ACOX3: variants seen among roughly 807,000 people sequenced by gnomAD.
The protein encoded by ACOX3 is peroxisomal acyl-coenzyme A oxidase 3.
A neutral mutation model predicts 81.5 loss-of-function variants in ACOX3; 73 were observed. That is an observed-to-expected ratio of 0.90 (90% confidence interval 0.74 to 1.09). The LOEUF (loss-of-function observed/expected upper bound fraction) is 1.09, where lower values mean the gene tolerates loss of function less well. Among genes scored for constraint, ACOX3 ranks in the 50% least tolerant of loss-of-function variants. The pLI is 0.00. For synonymous variants in ACOX3, 387 were observed against 375.1 expected (o/e 1.03, Z -0.37); for missense variants, 947 against 928.0 (o/e 1.02, Z -0.27).
In ACOX3 at chr4:8,440,664, T is replaced by G; in HGVS notation, c.-31A>C. On this transcript the variant is annotated 5_prime_UTR_variant, in exon 1 of 18. Coordinates refer to ENST00000356406, the MANE Select transcript of ACOX3 (RefSeq NM_003501.3). ...ATTCCTCACCCACACACTCCACAGT[T>G]CAACCCCTGCCAGGGAAACCAAAAG... 1.1e-6 allele frequency: 1 copy of G among 917,584 alleles called. No individual in the cohort carries two copies. Among genetic ancestry groups the G allele is most frequent in the Non-Finnish European group, 1.5e-6 (1 of 651,038 alleles). 56.8% of individuals were successfully genotyped at this position (917,584 alleles called of 1,614,324 possible).
rs532985224 is a variant in ACOX3 at position 8,374,994 on chromosome 4, C to T, written c.1812G>A (p.Ala604=). 4.6e-6 allele frequency: 7 copies of T among 1,530,908 alleles called. No individual in the cohort carries two copies. The highest frequency in any genetic ancestry group is 2.4e-5 in the East Asian group (1 of 41,316). 94.8% of individuals were successfully genotyped at this position (1,530,908 alleles called of 1,614,324 possible). ...AAGCCTCACCTCGGTAGAGCAGGGCCGCGTGGCGGCTCAGGGACCACAGGG... is the reference window on the plus strand; with the variant it reads ...AAGCCTCACCTCGGTAGAGCAGGGCTGCGTGGCGGCTCAGGGACCACAGGG... ...LYALWSLSRH[A]ALLYRGGYFS... Residue 604 remains alanine (A), a synonymous_variant, in exon 15 of 18, where the codon GCG becomes GCA. Transcript: ENST00000356406.
Position 8,401,766 on chromosome 4 carries a change from A to G in ACOX3, c.777-2114T>C, listed in dbSNP as rs549087778. Among the ~76,000 whole-genome samples the G allele has an allele frequency of 3.9e-3, 595 of 152,148 alleles. 4 individuals carry two copies. Among genetic ancestry groups the G allele is most frequent in the African/African-American group, 0.014 (579 of 41,492 alleles). Reference sequence around the variant, plus strand: ...CCTCTAACAGCATCACCGCCTTGCCATGAGGTGGTCCTGCCTGCCTGTGGT... The same window carrying G: ...CCTCTAACAGCATCACCGCCTTGCCGTGAGGTGGTCCTGCCTGCCTGTGGT... On this transcript the variant is annotated intron_variant, in intron 7 of 17. Transcript: ENST00000356406.
chr4:8,392,816 T>C (rs1274959421), intron 10 of ACOX3, among the ~76,000 whole-genome samples: 5 of 152,152 alleles, frequency 3.3e-5, no homozygotes, highest in South Asian at 2.1e-4. Flanking sequence ...AGGTTGCAAT[T>C]GTTTGCAGCG....
In ACOX3 at chr4:8,370,697, G is replaced by A. The variant is rs1040864992; in HGVS notation, c.1983+211C>T. Among the ~76,000 whole-genome samples, 1 of 152,108 alleles carries A rather than the reference G, an allele frequency of 6.6e-6. No homozygotes were observed. Among genetic ancestry groups the A allele is most frequent in the African/African-American group, 2.4e-5 (1 of 41,424 alleles). On this transcript the variant is annotated intron_variant, in intron 17 of 17. Transcript: ENST00000356406. This position sits in a 1 kb window ranked among gnomAD's most constrained non-coding sequence, Gnocchi z 6.3. ...TCTCGGGAGGAAAAGGCAGGCAGGG[G>A]ATGGGCAAGTCCCCTGCAACCACAG...
In ACOX3 at chr4:8,381,299, C is replaced by T. The variant is rs181409817; in HGVS notation, c.1653+193G>A. On this transcript the variant is annotated intron_variant, in intron 14 of 17. Transcript: ENST00000356406. This position sits in a 1 kb window ranked among gnomAD's most constrained non-coding sequence, Gnocchi z 4.3. Reference sequence around the variant, plus strand: ...AACATCCATGACCTCCCCAGCCCAGCAAGACAGGTGCTGCCATCCCTGTGT... The same window carrying T: ...AACATCCATGACCTCCCCAGCCCAGTAAGACAGGTGCTGCCATCCCTGTGT... 1.1e-3 allele frequency among the ~76,000 whole-genome samples: 169 copies of T among 152,310 alleles called. No individual in the cohort carries two copies. Among genetic ancestry groups the T allele is most frequent in the African/African-American group, 3.9e-3 (164 of 41,558 alleles).
chr4:8,367,208 A>C, intron 17 of ACOX3, 128 bp from the exon 18 acceptor site: 1 of 1,274,996 alleles, frequency 7.8e-7, no homozygotes, highest in Non-Finnish European at 1.1e-6. Context: ...GGCTGGGCAC[A>C]GTGGCTCACG....
At chr4:8,378,244 T>C (rs1054724914) in intron 14 of ACOX3, among the ~76,000 whole-genome samples, 5 of 152,130 alleles carry the variant, frequency 3.3e-5, no homozygotes, top group Non-Finnish European at 7.4e-5. Context: ...GGGGAAAGGG[T>C]TGGACTCTGT....
intron 1 of ACOX3, among the ~76,000 whole-genome samples, chr4:8,436,932 C>T (rs1238739845): frequency 2.1e-5 from 3 of 141,950 alleles, no homozygotes; most frequent in Non-Finnish European, 3.0e-5. Flanking sequence ...GTGGAGTTTG[C>T]AGTGAGCCGA....
At position 8,415,860 on chromosome 4, in the gene ACOX3, T is replaced by G. The variant is rs780711535; in HGVS notation, c.284A>C (p.Asp95Ala). The change falls in exon 3 of 18, where the codon GAC becomes GCC. Residue 95 changes from aspartate to alanine, a missense_variant. Asp to Ala is a moderately radical substitution (Grantham distance 126). Coordinates refer to ENST00000356406, the MANE Select transcript of ACOX3 (RefSeq NM_003501.3). ...IFEYDFLSVEDMFKSPLKVPA... is the reference protein window; with the variant it reads ...IFEYDFLSVEAMFKSPLKVPA... ...GACCTTCAGAGGGCTCTTGAACATG[T>G]CTTCGACACTGAGGAAGTCATACTC... The G allele has an allele frequency of 6.2e-7, 1 of 1,614,148 alleles. No individual in the cohort carries two copies. The highest frequency in any genetic ancestry group is 8.5e-7 in the Non-Finnish European group (1 of 1,180,014).
chr4:8,439,556 A>G (rs1052543508), intron 1 of ACOX3, among the ~76,000 whole-genome samples: 5 of 152,260 alleles, frequency 3.3e-5, no homozygotes, highest in African/African-American at 7.2e-5. Context: ...AAAAACTCCT[A>G]TTATTAAGAA....
Position 8,405,603 on chromosome 4 carries a change from C to T in ACOX3, c.776+352G>A, listed in dbSNP as rs575813755. Among the ~76,000 whole-genome samples, 24 of 152,314 alleles carry T rather than the reference C, an allele frequency of 1.6e-4. 1 individual carries two copies. The highest frequency in any genetic ancestry group is 4.3e-4 in the African/African-American group (18 of 41,564). ...GATCAGCATGGATGTGTGCAGAGGC[C>T]GAGCCGGGGGAGGCTCAGGATGCTG... On this transcript the variant is annotated intron_variant, in intron 7 of 17. Coordinates refer to ENST00000356406, the MANE Select transcript of ACOX3 (RefSeq NM_003501.3). This position sits in a 1 kb window ranked among gnomAD's most constrained non-coding sequence, Gnocchi z 7.1.
At chr4:8,390,196 G>C (rs1191693996) in intron 11 of ACOX3, among the ~76,000 whole-genome samples, 3 of 150,020 alleles carry the variant, frequency 2.0e-5, no homozygotes, top group Admixed American at 2.0e-4. Flanking sequence ...AAAAAAATTA[G>C]CTGGGCATAG....
At chr4:8,439,739 A>C (rs192052422) in intron 1 of ACOX3, among the ~76,000 whole-genome samples, 1 of 152,362 alleles carries the variant, frequency 6.6e-6, no homozygotes, top group African/African-American at 2.4e-5. Context: ...CCCTCACTGC[A>C]AGTGTATTAC....
At chr4:8,422,307 A>T (rs2109010554) in intron 1 of ACOX3, among the ~76,000 whole-genome samples, 1 of 152,348 alleles carries the variant, frequency 6.6e-6, no homozygotes, top group South Asian at 2.1e-4. Flanking sequence ...TTTAAAAGCC[A>T]GGGTAAATTT....
chr4:8,403,166 C>T (rs1252204894), intron 7 of ACOX3, among the ~76,000 whole-genome samples: 1 of 152,228 alleles, frequency 6.6e-6, no homozygotes, highest in Non-Finnish European at 1.5e-5. Context: ...ATCCCACATA[C>T]TCAGGAGTTC....
intron 1 of ACOX3, among the ~76,000 whole-genome samples, chr4:8,425,505 A>T (rs1723385923): frequency 6.6e-6 from 1 of 151,588 alleles, no homozygotes. Context: ...CGGCCAAATC[A>T]TTATTAACTG....
chr4:8,379,966 A>G (rs34732357), intron 14 of ACOX3, among the ~76,000 whole-genome samples: 30,597 of 151,462 alleles, frequency 0.2, 3,901 homozygotes, highest in African/African-American at 0.37. Context: ...ACCTTAACGC[A>G]AGGATGTGGC....
At chr4:8,398,295 G>A (rs1309032917) in intron 8 of ACOX3, among the ~76,000 whole-genome samples, 5 of 152,146 alleles carry the variant, frequency 3.3e-5, no homozygotes, top group Non-Finnish European at 5.9e-5. Flanking sequence ...TTCCACTGGA[G>A]TCAGATCTGG....
chr4:8,410,363 A>G lies in ACOX3; in HGVS notation c.544-8T>C. On this transcript the variant is annotated splice_polypyrimidine_tract_variant and splice_region_variant and intron_variant, in intron 5 of 17. Coordinates refer to ENST00000356406, the MANE Select transcript of ACOX3 (RefSeq NM_003501.3). ...GGAATGTATGATGAATTCCTGCACA[A>G]GGGAAAATTTAGGTTAGTTATAATT... 6.2e-7 allele frequency: 1 copy of G among 1,613,304 alleles called. No homozygotes were observed. Among genetic ancestry groups the G allele is most frequent in the Non-Finnish European group, 8.5e-7 (1 of 1,179,252 alleles).
Sources: gnomAD v4.1 joint callset for allele counts (sites outside exome capture counted in the v4.1 genomes callset) on GRCh38, gnomAD v4.1.1 for gene constraint, Gnocchi (gnomAD v3.1) non-coding constraint, MANE v1.5 for transcripts, NCBI Gene and HGNC (gene_info 2026-07-23, HGNC 2026-07-21) for gene names.